SPRYD3: variants seen among roughly 807,000 people sequenced by gnomAD.
SPRYD3 encodes the protein SPRY domain containing 3, also known as SPRY domain-containing protein 3.
Under a neutral mutation model 50.1 loss-of-function variants are expected in SPRYD3, and 17 were observed. That is an observed-to-expected ratio of 0.34 (90% CI 0.23 to 0.51). SPRYD3 has a LOEUF of 0.51. Ranked by LOEUF, SPRYD3 falls within the 20% of genes least tolerant of loss-of-function variation. The probability of loss-of-function intolerance (pLI) is 0.97; values close to 1 mark genes in which losing one functional copy is unlikely to be tolerated. For missense variants in SPRYD3, 401 were observed against 591.2 expected, an observed-to-expected ratio of 0.68 and a Z score of 3.34; for synonymous variants, 198 against 215.5, an observed-to-expected ratio of 0.92 and a Z score of 0.71.
chr12:53,071,734 A>G (rs1304095155), intron 6 of SPRYD3, among the ~76,000 whole-genome samples: 16 of 151,208 alleles, frequency 1.1e-4, no homozygotes, highest in African/African-American at 3.4e-4. Context: ...AAAAAAAAAA[A>G]AAAAAAAAAA....
chr12:53,071,847 G>A (rs1944552050), intron 6 of SPRYD3, among the ~76,000 whole-genome samples: 1 of 151,944 alleles, frequency 6.6e-6, no homozygotes, highest in Non-Finnish European at 1.5e-5. Flanking sequence ...CTCCCACCCT[G>A]CCACCTGGCC....
intron 1 of SPRYD3, among the ~76,000 whole-genome samples, chr12:53,077,631 C>T (rs1211677589): frequency 6.6e-6 from 1 of 152,138 alleles, no homozygotes; most frequent in Non-Finnish European, 1.5e-5. Flanking sequence ...GAGGAGGTGA[C>T]ATTTGAGTTG....
At chr12:53,078,178 CAAA>C in intron 1 of SPRYD3, 1 of 310,976 alleles carries the variant, frequency 3.2e-6, no homozygotes, top group Non-Finnish European at 6.5e-6. Context: ...GACCCTGTCT[CAAA>C]AAAAAAAGAA....
At chr12:53,072,686 ACGAAG>A (rs1380457973) in intron 6 of SPRYD3, among the ~76,000 whole-genome samples, 1 of 152,244 alleles carries the variant, frequency 6.6e-6, no homozygotes, top group Non-Finnish European at 1.5e-5. Context: ...ACGCTTCCCA[ACGAAG>A]CTTAAAATCC....
Position 53,075,094 on chromosome 12 carries a change from C to G in SPRYD3, c.371+1G>C. The G allele has an allele frequency of 6.2e-7, 1 of 1,611,268 alleles. No individual in the cohort carries two copies. Among genetic ancestry groups the G allele is most frequent in the African/African-American group, 1.3e-5 (1 of 75,002 alleles). ...GCCGGGTTGCACAGGAGCCAACTCA[C>G]TTGCCATCATCAGCATGGTAGGCTA... On this transcript the variant is annotated splice_donor_variant, in intron 4 of 10. Coordinates refer to ENST00000301463, the MANE Select transcript of SPRYD3 (RefSeq NM_032840.3). LOFTEE classifies it high-confidence loss of function.
intron 6 of SPRYD3, among the ~76,000 whole-genome samples, chr12:53,068,522 T>C (rs1343162665): frequency 6.6e-6 from 1 of 152,166 alleles, no homozygotes; most frequent in African/African-American, 2.4e-5. Context: ...CCTTGCTGAA[T>C]GCCCACGCTG....
rs1186440942 is a variant in SPRYD3 at position 53,065,922 on chromosome 12, A to G, written c.1239T>C (p.Ala413=). ...RNGKIIGKKD[A]VVPSGGFFPT... Reference sequence around the variant, plus strand: ...GGAAGAAGCCTCCAGAAGGAACAACAGCATCCTTCTTCCCAATGATCTTGC... The same window carrying G: ...GGAAGAAGCCTCCAGAAGGAACAACGGCATCCTTCTTCCCAATGATCTTGC... Residue 413 remains alanine, a synonymous_variant, in exon 11 of 11, where the codon GCT becomes GCC. Transcript: ENST00000301463. 22 of 1,613,792 alleles carry G rather than the reference A, an allele frequency of 1.4e-5. No homozygotes were observed. Among genetic ancestry groups the G allele is most frequent in the Non-Finnish European group, 1.9e-5 (22 of 1,179,834 alleles).
intron 6 of SPRYD3, among the ~76,000 whole-genome samples, chr12:53,069,921 A>G (rs1388949638): frequency 6.6e-6 from 1 of 152,154 alleles, no homozygotes; most frequent in Non-Finnish European, 1.5e-5. Context: ...TGTAGGAAAC[A>G]CAGTGTTCTC....
At chr12:53,079,139 A>T (rs1944612804) in intron 1 of SPRYD3, among the ~76,000 whole-genome samples, 172 bp downstream of exon 1, 1 of 152,118 alleles carries the variant, frequency 6.6e-6, no homozygotes, top group South Asian at 2.1e-4. Flanking sequence ...GCCTACGCCC[A>T]GTCTCCCCAG....
rs767743415 is a variant in SPRYD3, at chr12:53,077,106, T to A, written c.170+9A>T. 1 of 1,613,912 alleles carries A rather than the reference T, an allele frequency of 6.2e-7. No homozygotes were observed. Among genetic ancestry groups the A allele is most frequent in the South Asian group, 1.1e-5 (1 of 91,072 alleles). On this transcript the variant is annotated intron_variant, in intron 2 of 10. Coordinates refer to ENST00000301463, the MANE Select transcript of SPRYD3 (RefSeq NM_032840.3). The stretch of plus-strand genomic sequence containing the variant: ...AGAAGAAAATGTGGAAGCATTCTCC[T>A]GAACTCACCTTAAAGTATCTCCATC...
At chr12:53,066,003 G>A in intron 10 of SPRYD3, 37 bp from the exon 11 acceptor site, 1 of 1,597,472 alleles carries the variant, frequency 6.3e-7, no homozygotes, top group South Asian at 1.1e-5. Flanking sequence ...GAGCAAGCAG[G>A]CTGTGGCCTC....
chr12:53,079,218 G>T, intron 1 of SPRYD3, 93 bp downstream of exon 1: 4 of 1,322,522 alleles, frequency 3.0e-6, no homozygotes, highest in Non-Finnish European at 4.2e-6. Context: ...CCCCGCCCCT[G>T]GCCCCAGAGC....
At chr12:53,070,426 G>A (rs1002509291) in intron 6 of SPRYD3, among the ~76,000 whole-genome samples, 2 of 152,192 alleles carry the variant, frequency 1.3e-5, no homozygotes, top group Non-Finnish European at 2.9e-5. Flanking sequence ...TAGGAACCTA[G>A]AGGAGGAGTG....
chr12:53,067,631 G>A lies in SPRYD3; in HGVS notation c.901+17C>T. 6.2e-7 allele frequency: 1 copy of A among 1,613,668 alleles called. No homozygotes were observed. The highest frequency in any genetic ancestry group is 1.3e-5 in the African/African-American group (1 of 75,036). On this transcript the variant is annotated intron_variant, in intron 8 of 10. Coordinates refer to ENST00000301463, the MANE Select transcript of SPRYD3 (RefSeq NM_032840.3). ...ATCTCCCACCATCCCACCTTTCCCAGGCAGCCCGCTATTCACCTGCATGAT... is the reference window on the plus strand; with the variant it reads ...ATCTCCCACCATCCCACCTTTCCCAAGCAGCCCGCTATTCACCTGCATGAT...
intron 1 of SPRYD3, 137 bp from the exon 2 acceptor site, chr12:53,077,398 T>G: frequency 1.2e-6 from 1 of 821,516 alleles, no homozygotes; most frequent in South Asian, 1.8e-5. Flanking sequence ...CTCATCTTCT[T>G]TCTTCCATTC....
chr12:53,074,503 G>C lies in SPRYD3; in HGVS notation c.507+146C>G. 1 of 973,892 alleles carries C rather than the reference G, an allele frequency of 1.0e-6. No homozygotes were observed. Among genetic ancestry groups the C allele is most frequent in the Admixed American group, 2.0e-5 (1 of 48,782 alleles). The allele number at this position is 973,892 out of a possible 1,614,324, so 60.3% of individuals were successfully genotyped here. The stretch of plus-strand genomic sequence containing the variant: ...TTCTCCTACACGCAAGAGACTTCAG[G>C]AGAATCTGAGGCTGGACTGGAGGAG... On this transcript the variant is annotated intron_variant, in intron 5 of 10. Coordinates refer to ENST00000301463, the MANE Select transcript of SPRYD3 (RefSeq NM_032840.3). This position sits in a 1 kb window ranked among gnomAD's most constrained non-coding sequence, Gnocchi z 4.6.
At chr12:53,075,659 G>A in intron 3 of SPRYD3, 77 bp downstream of exon 3, 1 of 1,193,958 alleles carries the variant, frequency 8.4e-7, no homozygotes, top group Non-Finnish European at 1.2e-6. Flanking sequence ...CATACATCTA[G>A]TAAAGGAGCT....
Position 53,074,058 on chromosome 12 carries a change from G to A in SPRYD3, c.508-587C>T, listed in dbSNP as rs561229827. Among the ~76,000 whole-genome samples, 7 of 152,190 alleles carry A rather than the reference G, an allele frequency of 4.6e-5. No homozygotes were observed. Among genetic ancestry groups the A allele is most frequent in the African/African-American group, 1.7e-4 (7 of 41,524 alleles). On this transcript the variant is annotated intron_variant, in intron 5 of 10. Coordinates refer to ENST00000301463, the MANE Select transcript of SPRYD3 (RefSeq NM_032840.3). This position sits in a 1 kb window ranked among gnomAD's most constrained non-coding sequence, Gnocchi z 4.6. ...GTGCTGGACAGGAGAGTGCCGAGGC[G>A]CAGATGCTAAGGCAGCAGGACCCCT...
intron 6 of SPRYD3, among the ~76,000 whole-genome samples, chr12:53,072,465 A>T (rs1944556780): frequency 6.6e-6 from 1 of 152,178 alleles, no homozygotes. Flanking sequence ...CCAGGCCAGG[A>T]GCAAGGGGGT....
Sources: gnomAD v4.1 joint callset for allele counts (sites outside exome capture counted in the v4.1 genomes callset) on GRCh38, gnomAD v4.1.1 for gene constraint, Gnocchi (gnomAD v3.1) non-coding constraint, MANE v1.5 for transcripts, NCBI Gene and HGNC (gene_info 2026-07-23, HGNC 2026-07-21) for gene names.